Variants in ZFPM2 observed in about 807,000 individuals in gnomAD.
ZFPM2 encodes zinc finger protein, FOG family member 2.
ZFPM2 carries 20 observed loss-of-function variants against 98.6 expected under a neutral mutation model. The ratio of observed to expected loss-of-function variants is 0.20; its 90% confidence interval spans 0.14 to 0.29. ZFPM2 has a LOEUF of 0.29. Among genes scored for constraint, ZFPM2 ranks in the 10% least tolerant of loss-of-function variants. The pLI is 1.00. For synonymous variants in ZFPM2, 518 were observed against 502.7 expected (o/e 1.03, Z -0.41); for missense variants, 1,310 against 1,388.6 (o/e 0.94, Z 0.90).
intron 3 of ZFPM2, among the ~76,000 whole-genome samples, chr8:105,548,695 C>T (rs572252628): frequency 1.4e-4 from 22 of 152,194 alleles, no homozygotes; most frequent in African/African-American, 4.8e-4. Flanking sequence ...CTTTGCCAAT[C>T]CTCCCTCTGA....
intron 1 of ZFPM2, among the ~76,000 whole-genome samples, chr8:105,408,295 G>T (rs1345248908): frequency 6.6e-6 from 1 of 151,860 alleles, no homozygotes; most frequent in Non-Finnish European, 1.5e-5. Flanking sequence ...TCTTTTTGAA[G>T]ATATGTTTTA....
chr8:105,802,015 G>T lies in ZFPM2; in HGVS notation c.1933G>T (p.Asp645Tyr). ...IGPNGKGHDK[D>Y]FSTQTKKLST... ...GCCAAATGGGAAGGGCCATGACAAG[G>T]ACTTTTCCACTCAAACTAAGAAGCT... Residue 645 changes from aspartate (D) to tyrosine (Y), a missense_variant, in exon 8 of 8, where the codon GAC (aspartate) becomes TAC (tyrosine). By Grantham distance (160) the Asp-to-Tyr change is radical (BLOSUM62 -3). Transcript: ENST00000407775. 2 of 1,613,760 alleles carry T rather than the reference G, an allele frequency of 1.2e-6. No individual in the cohort carries two copies. The highest frequency in any genetic ancestry group is 1.7e-6 in the Non-Finnish European group (2 of 1,179,866).
At chr8:105,405,336 T>G (rs1292154590) in intron 1 of ZFPM2, among the ~76,000 whole-genome samples, 1 of 151,990 alleles carries the variant, frequency 6.6e-6, no homozygotes, top group Non-Finnish European at 1.5e-5. Flanking sequence ...ACGTGCAGGT[T>G]TGTTACATAT....
chr8:105,441,381 G>A (rs550220341), intron 2 of ZFPM2, among the ~76,000 whole-genome samples: 3 of 145,764 alleles, frequency 2.1e-5, no homozygotes, highest in South Asian at 2.2e-4. Flanking sequence ...CTGATAATCC[G>A]AACAGGCAAA....
intron 1 of ZFPM2, among the ~76,000 whole-genome samples, chr8:105,366,430 G>C (rs926771375): frequency 6.6e-6 from 1 of 152,112 alleles, no homozygotes; most frequent in Non-Finnish European, 1.5e-5. Context: ...ACTGCAAAGA[G>C]ATACTGAATC....
chr8:105,563,209 C>G (rs1222031191), intron 4 of ZFPM2, among the ~76,000 whole-genome samples: 1 of 152,120 alleles, frequency 6.6e-6, no homozygotes, highest in Admixed American at 6.6e-5. Context: ...GAAGGAAATC[C>G]CTTCTTCAAG....
At chr8:105,573,089 C>T (rs760992534) in intron 4 of ZFPM2, among the ~76,000 whole-genome samples, 4 of 152,110 alleles carry the variant, frequency 2.6e-5, no homozygotes, top group African/African-American at 7.2e-5. Context: ...TCTGAAGGCT[C>T]AGCTAGTGGA....
intron 1 of ZFPM2, chr8:105,415,001 C>T (rs922699697): frequency 2.6e-5 from 4 of 151,802 alleles, no homozygotes; most frequent in Non-Finnish European, 4.4e-5. Flanking sequence ...CCATCAGCAT[C>T]GTCAGGTGTG....
chr8:105,392,098 T>G (rs1811121412), intron 1 of ZFPM2, among the ~76,000 whole-genome samples: 1 of 152,184 alleles, frequency 6.6e-6, no homozygotes, highest in Admixed American at 6.5e-5. Flanking sequence ...CAATATAGGT[T>G]TCCTTGTACA....
At chr8:105,728,382 G>C (rs748522305) in intron 5 of ZFPM2, among the ~76,000 whole-genome samples, 1 of 151,740 alleles carries the variant, frequency 6.6e-6, no homozygotes, top group Non-Finnish European at 1.5e-5. Context: ...TCGAAAGTTA[G>C]CTCTAGCACT....
chr8:105,617,824 C>T lies in ZFPM2; in HGVS notation c.421-16422C>T, dbSNP rs536073079. Among the ~76,000 whole-genome samples the T allele has an allele frequency of 8.5e-4, 130 of 152,218 alleles. 2 individuals are homozygous for T. Among genetic ancestry groups the T allele is most frequent in the Middle Eastern group, 3.4e-3 (1 of 294 alleles). On this transcript the variant is annotated intron_variant, in intron 4 of 7. Coordinates refer to ENST00000407775, the MANE Select transcript of ZFPM2 (RefSeq NM_012082.4). ...TTTTATAGGCTTTTTAAAATCTATTCTATGTTATAATCATCTCTACAGGTA... is the reference window on the plus strand; with the variant it reads ...TTTTATAGGCTTTTTAAAATCTATTTTATGTTATAATCATCTCTACAGGTA...
At chr8:105,558,232 G>C (rs1358336978) in intron 3 of ZFPM2, among the ~76,000 whole-genome samples, 1 of 152,004 alleles carries the variant, frequency 6.6e-6, no homozygotes, top group African/African-American at 2.4e-5. Flanking sequence ...ATGTAACCTT[G>C]GTAGAATATA....
At chr8:105,325,427 AAGTT>A (rs1267591985) in intron 1 of ZFPM2, among the ~76,000 whole-genome samples, 1 of 151,744 alleles carries the variant, frequency 6.6e-6, no homozygotes, top group East Asian at 1.9e-4. Context: ...TTCAGGCTTC[AAGTT>A]AATAGCCTTG....
intron 4 of ZFPM2, among the ~76,000 whole-genome samples, chr8:105,585,122 A>G (rs1398042992): frequency 6.6e-6 from 1 of 152,208 alleles, no homozygotes; most frequent in Admixed American, 6.5e-5. Context: ...GTTATTTAAT[A>G]TTCATCACCA....
chr8:105,729,381 C>CT (rs1205193028), intron 5 of ZFPM2, among the ~76,000 whole-genome samples: 45 of 149,412 alleles, frequency 3.0e-4, no homozygotes, highest in African/African-American at 7.1e-4. Context: ...TGTTGTGTGT[C>CT]TTTTTTTTTG....
intron 1 of ZFPM2, among the ~76,000 whole-genome samples, chr8:105,330,538 C>CTATATA (rs531060999): frequency 2.7e-4 from 27 of 100,126 alleles, no homozygotes; most frequent in African/African-American, 1.1e-3. Flanking sequence ...CTCTCTCTCT[C>CTATATA]TATATATATA....
At chr8:105,511,024 A>G (rs1245170958) in intron 3 of ZFPM2, among the ~76,000 whole-genome samples, 1 of 152,218 alleles carries the variant, frequency 6.6e-6, no homozygotes, top group Non-Finnish European at 1.5e-5. Context: ...GTCTGCAGGC[A>G]GTATGGGACC....
intron 1 of ZFPM2, among the ~76,000 whole-genome samples, chr8:105,362,012 G>A (rs1010405397): frequency 2.6e-5 from 4 of 152,012 alleles, no homozygotes; most frequent in African/African-American, 7.3e-5. Flanking sequence ...ACCTAACAGT[G>A]TATTTCTTAG....
At chr8:105,375,646 C>T (rs1010042513) in intron 1 of ZFPM2, among the ~76,000 whole-genome samples, 2 of 152,132 alleles carry the variant, frequency 1.3e-5, no homozygotes, top group African/African-American at 4.8e-5. Context: ...TGTAAAGAGG[C>T]AGATGAGGCC....
Sources: gnomAD v4.1 joint callset for allele counts (sites outside exome capture counted in the v4.1 genomes callset) on GRCh38, gnomAD v4.1.1 for gene constraint, MANE v1.5 for transcripts, NCBI Gene and HGNC (gene_info 2026-07-23, HGNC 2026-07-21) for gene names.